ZNF268: variants seen among roughly 807,000 people sequenced by gnomAD.
ZNF268 encodes zinc finger protein 3.
Under a neutral mutation model 29.3 loss-of-function variants are expected in ZNF268, and 20 were observed. The observed-to-expected ratio is 0.68, with a 90% CI of 0.48 to 0.99. The LOEUF (loss-of-function observed/expected upper bound fraction) is 0.99, where lower values mean the gene tolerates loss of function less well. Among genes scored for constraint, ZNF268 ranks in the 50% least tolerant of loss-of-function variants. The pLI, the probability that ZNF268 is intolerant of heterozygous loss-of-function variation, is 0.00. For missense variants in ZNF268, 1,240 were observed against 1,121.6 expected (o/e 1.11, Z -1.51); for synonymous variants, 429 against 376.9 (o/e 1.14, Z -1.60).
Position 133,205,941 on chromosome 12 carries a change from T to C in ZNF268, c.*1411T>C, listed in dbSNP as rs1307932636. The C allele has an allele frequency of 2.0e-5, 3 of 152,230 alleles. No homozygotes were observed. The highest frequency in any genetic ancestry group is 7.2e-5 in the African/African-American group (3 of 41,460). 9.4% of individuals were successfully genotyped at this position (152,230 alleles called of 1,614,324 possible). On this transcript the variant is annotated 3_prime_UTR_variant, in exon 6 of 6. Coordinates refer to ENST00000536435, the MANE Select transcript of ZNF268 (RefSeq NM_003415.3). ...AAAAGCAACATGAGCTTTTGTTCTGTGGTAGCATGTTGATGTAATAAGTAG... is the reference window on the plus strand; with the variant it reads ...AAAAGCAACATGAGCTTTTGTTCTGCGGTAGCATGTTGATGTAATAAGTAG...
Position 133,204,191 on chromosome 12 carries a change from T to G in ZNF268, c.2505T>G (p.Pro835=). 3 of 1,540,606 alleles carry G rather than the reference T, an allele frequency of 1.9e-6. No homozygotes were observed. The highest frequency in any genetic ancestry group is 2.6e-6 in the Non-Finnish European group (3 of 1,147,222). The change falls in exon 6 of 6, where the codon CCT becomes CCG. Residue 835 remains proline (P), a synonymous_variant. Coordinates refer to ENST00000536435, the MANE Select transcript of ZNF268 (RefSeq NM_003415.3). Reference sequence around the variant, plus strand: ...AGCGAACTCATGCAGGGGTCAACCCTTATAAATGCAGTCAATGTGAGAAAT... The same window carrying G: ...AGCGAACTCATGCAGGGGTCAACCCGTATAAATGCAGTCAATGTGAGAAAT... The part of the protein sequence containing the change: ...VHERTHAGVN[P]YKCSQCEKSF...
Position 133,203,235 on chromosome 12 carries a change from A to T in ZNF268, c.1549A>T (p.Ile517Leu), listed in dbSNP as rs1318606978. Residue 517 changes from isoleucine to leucine, a missense_variant, in exon 6 of 6, where the codon ATA becomes TTA. Around this residue, in one of 3 missense-constraint regions of ZNF268, gnomAD observed 1,177 missense variants for 1,039.6 expected, o/e 1.13. Coordinates refer to ENST00000536435, the MANE Select transcript of ZNF268 (RefSeq NM_003415.3). ...KAFRSKSYLI[I>L]HTRTHTGEKL... ...CTTCAGGAGCAAGTCATACCTTATT[A>T]TACATACAAGGACTCATACAGGAGA... 1 of 1,537,870 alleles carries T rather than the reference A, an allele frequency of 6.5e-7. No homozygotes were observed. Among genetic ancestry groups the T allele is most frequent in the Non-Finnish European group, 8.7e-7 (1 of 1,146,876 alleles).
rs1956810854 is a variant in ZNF268, at chr12:133,203,506, C to G, written c.1820C>G (p.Thr607Arg). 1.3e-6 allele frequency: 2 copies of G among 1,544,962 alleles called. No individual in the cohort carries two copies. The highest frequency in any genetic ancestry group is 2.4e-5 in the East Asian group (1 of 41,206). Residue 607 changes from threonine to arginine, a missense_variant, in exon 6 of 6, where the codon ACA (threonine) becomes AGA (arginine). By Grantham distance (71) the Thr-to-Arg change is moderately conservative. This residue lies in a region of ZNF268 where 1,177 missense variants were observed against 1,039.6 expected (regional missense o/e 1.13). Transcript: ENST00000536435. ...SQLIIHQRTH[T>R]GEKPFECSEC... ...CTTATTATACACCAGAGAACTCATA[C>G]AGGGGAGAAACCATTTGAATGTAGT...
intron 3 of ZNF268, among the ~76,000 whole-genome samples, chr12:133,190,312 AT>A (rs1956433765): frequency 6.6e-6 from 1 of 152,178 alleles, no homozygotes; most frequent in South Asian, 2.1e-4. Flanking sequence ...ATTTGTATAA[AT>A]ACCTGGGGCA....
intron 3 of ZNF268, among the ~76,000 whole-genome samples, chr12:133,189,869 A>G (rs1291197979): frequency 2.6e-5 from 4 of 152,188 alleles, no homozygotes; most frequent in Non-Finnish European, 4.4e-5. Context: ...GCACAGTGGC[A>G]CGACCTCGGC....
At position 133,214,720 on chromosome 12, in the gene ZNF268, G is replaced by A. The variant is rs990396541; in HGVS notation, c.*10190G>A. 3.3e-5 allele frequency: 5 copies of A among 152,178 alleles called. No homozygotes were observed. The highest frequency in any genetic ancestry group is 5.9e-5 in the Non-Finnish European group (4 of 68,036). The allele number at this position is 152,178 out of a possible 1,614,324, so 9.4% of individuals were successfully genotyped here. The stretch of plus-strand genomic sequence containing the variant: ...GATGAAACTATTTTGGAACTAAGAG[G>A]TGGTGGCTGCACAATGTTGTGCATG... On this transcript the variant is annotated 3_prime_UTR_variant, in exon 6 of 6. Coordinates refer to ENST00000536435, the MANE Select transcript of ZNF268 (RefSeq NM_003415.3).
In ZNF268 at chr12:133,191,558, C is replaced by G; in HGVS notation, c.304C>G (p.Gln102Glu). Residue 102 changes from glutamine (Q) to glutamate (E), a missense_variant, in exon 4 of 6, where the codon CAG becomes GAG. Coordinates refer to ENST00000536435, the MANE Select transcript of ZNF268 (RefSeq NM_003415.3). Reference protein sequence around the residue: ...WEEWQLLDPAQKCLYRSVMLE... With the variant: ...WEEWQLLDPAEKCLYRSVMLE... ...GGAGTGGCAGCTGCTAGACCCAGCACAGAAGTGCCTGTACAGGAGTGTGAT... is the reference window on the plus strand; with the variant it reads ...GGAGTGGCAGCTGCTAGACCCAGCAGAGAAGTGCCTGTACAGGAGTGTGAT... 6.2e-7 allele frequency: 1 copy of G among 1,614,054 alleles called. No homozygotes were observed. The highest frequency in any genetic ancestry group is 8.5e-7 in the Non-Finnish European group (1 of 1,179,966).
rs1956783989 is a variant in ZNF268 at position 133,202,673 on chromosome 12, G to T, written c.987G>T (p.Glu329Asp). Residue 329 changes from glutamate to aspartate, a missense_variant, in exon 6 of 6, where the codon GAG becomes GAT. Coordinates refer to ENST00000536435, the MANE Select transcript of ZNF268 (RefSeq NM_003415.3). The part of the protein sequence containing the change: ...LIVHQRIHTG[E>D]KLHECSECRK... ...TACATCAGAGAATTCATACAGGAGA[G>T]AAACTACATGAATGCAGTGAATGCA... 1.9e-6 allele frequency: 3 copies of T among 1,607,908 alleles called. No homozygotes were observed. The highest frequency in any genetic ancestry group is 1.7e-6 in the Non-Finnish European group (2 of 1,176,900).
chr12:133,192,621 CT>C (rs1029024419), intron 5 of ZNF268, among the ~76,000 whole-genome samples: 4 of 152,144 alleles, frequency 2.6e-5, no homozygotes, highest in African/African-American at 9.7e-5. Flanking sequence ...CATCTTCCTT[CT>C]TTTTGAAACC....
chr12:133,186,721 C>T (rs183525702), intron 2 of ZNF268, among the ~76,000 whole-genome samples: 20 of 152,152 alleles, frequency 1.3e-4, no homozygotes, highest in African/African-American at 4.1e-4. Flanking sequence ...AATGATGAAA[C>T]GTGATGGAAT....
At position 133,212,711 on chromosome 12, in the gene ZNF268, G is replaced by C. The variant is rs142444812; in HGVS notation, c.*8181G>C. The stretch of plus-strand genomic sequence containing the variant: ...AGGCTTCCAATTTCTCCACATACTT[G>C]CCAATATTAATTAGTTTGTTTCTCT... On this transcript the variant is annotated 3_prime_UTR_variant, in exon 6 of 6. Coordinates refer to ENST00000536435, the MANE Select transcript of ZNF268 (RefSeq NM_003415.3). The C allele has an allele frequency of 0.66, 99,403 of 151,514 alleles. 32,996 individuals carry two copies. Among genetic ancestry groups the C allele is most frequent in the East Asian group, 0.91 (4,728 of 5,170 alleles). 9.4% of individuals were successfully genotyped at this position (151,514 alleles called of 1,614,324 possible). A position where few individuals can be genotyped will look rare whatever the true frequency, so the allele number is the denominator to read the frequency against.
chr12:133,183,413 T>C (rs767136189), intron 2 of ZNF268, among the ~76,000 whole-genome samples: 12 of 150,516 alleles, frequency 8.0e-5, no homozygotes, highest in Admixed American at 2.0e-4. Context: ...GACAGGAGAA[T>C]CGCTTGAACC....
At position 133,210,992 on chromosome 12, in the gene ZNF268, T is replaced by C. The variant is rs960510688; in HGVS notation, c.*6462T>C. On this transcript the variant is annotated 3_prime_UTR_variant, in exon 6 of 6. Coordinates refer to ENST00000536435, the MANE Select transcript of ZNF268 (RefSeq NM_003415.3). Reference sequence around the variant, plus strand: ...GAACCCCTGAAATTCAATCTTACGATTTTCCATGCCATAATTTTGGAAAAC... The same window carrying C: ...GAACCCCTGAAATTCAATCTTACGACTTTCCATGCCATAATTTTGGAAAAC... The C allele has an allele frequency of 2.2e-6, 1 of 456,040 alleles. No homozygotes were observed. The highest frequency in any genetic ancestry group is 4.4e-6 in the Non-Finnish European group (1 of 226,802). 28.2% of individuals were successfully genotyped at this position (456,040 alleles called of 1,614,324 possible). A position where few individuals can be genotyped will look rare whatever the true frequency, so the allele number is the denominator to read the frequency against.
intron 2 of ZNF268, among the ~76,000 whole-genome samples, chr12:133,185,088 GC>G (rs1956275656): frequency 6.6e-6 from 1 of 151,010 alleles, no homozygotes; most frequent in Admixed American, 6.6e-5. Flanking sequence ...GGAGGCTGAG[GC>G]AGAAAAATCG....
chr12:133,197,397 A>G (rs1000699643), intron 5 of ZNF268, among the ~76,000 whole-genome samples: 25 of 151,192 alleles, frequency 1.7e-4, no homozygotes, highest in Non-Finnish European at 2.9e-4. Flanking sequence ...ATAGTATTCC[A>G]TGGTGTATAT....
chr12:133,195,927 G>T (rs1429124559), intron 5 of ZNF268, among the ~76,000 whole-genome samples: 1 of 151,106 alleles, frequency 6.6e-6, no homozygotes, highest in Non-Finnish European at 1.5e-5. Flanking sequence ...TGATCAGGCT[G>T]GTCTCGAACT....
chr12:133,193,595 CTT>C, intron 5 of ZNF268: 1 of 565,920 alleles, frequency 1.8e-6, no homozygotes, highest in South Asian at 2.2e-5. Context: ...CCCTCAAGCC[CTT>C]TTAGAAACGA....
chr12:133,202,062 ATTG>A (rs1264772417), intron 5 of ZNF268, 79 bp from the exon 6 acceptor site: 3 of 1,144,510 alleles, frequency 2.6e-6, no homozygotes, highest in Non-Finnish European at 1.2e-6. Flanking sequence ...CATGTGACTA[ATTG>A]TTCTTATTTC....
At chr12:133,198,676 G>A (rs996839162) in intron 5 of ZNF268, among the ~76,000 whole-genome samples, 2 of 151,516 alleles carry the variant, frequency 1.3e-5, no homozygotes, top group Non-Finnish European at 1.5e-5. Flanking sequence ...AGCATGGAAT[G>A]TTCTTCCATT....
Sources: gnomAD v4.1 joint callset for allele counts (sites outside exome capture counted in the v4.1 genomes callset) on GRCh38, gnomAD v4.1.1 for gene constraint, gnomAD v4.1.1 regional missense constraint, MANE v1.5 for transcripts, NCBI Gene and HGNC (gene_info 2026-07-23, HGNC 2026-07-21) for gene names.